NSMCE2: variants seen among roughly 807,000 people sequenced by gnomAD.
The protein encoded by NSMCE2 is NSE2 SUMO ligase component of SMC5/6 complex.
A neutral mutation model predicts 23.8 loss-of-function variants in NSMCE2; 24 were observed. The observed-to-expected ratio is 1.01, with a 90% confidence interval of 0.73 to 1.42. NSMCE2 has a LOEUF of 1.42. NSMCE2 is among the 40% of genes most tolerant of loss of function. NSMCE2 has a pLI of 0.00. For synonymous variants in NSMCE2, 92 were observed against 94.1 expected, an observed-to-expected ratio of 0.98 and a Z score of 0.13; for missense variants, 284 against 296.5, an observed-to-expected ratio of 0.96 and a Z score of 0.31.
intron 5 of NSMCE2, among the ~76,000 whole-genome samples, chr8:125,245,511 A>G (rs774561674): frequency 1.3e-5 from 2 of 152,160 alleles, no homozygotes; most frequent in Non-Finnish European, 2.9e-5. Flanking sequence ...TGTAGGTGGG[A>G]AGAGGGTTTA....
intron 5 of NSMCE2, among the ~76,000 whole-genome samples, chr8:125,240,331 G>A (rs1420678891): frequency 1.3e-5 from 2 of 152,200 alleles, no homozygotes; most frequent in South Asian, 2.1e-4. Context: ...CACCATATTG[G>A]CCAGGCTGGT....
At chr8:125,103,500 G>A (rs562899507) in intron 3 of NSMCE2, among the ~76,000 whole-genome samples, 3 of 152,186 alleles carry the variant, frequency 2.0e-5, no homozygotes, top group African/African-American at 7.2e-5. Flanking sequence ...TTATGGATCT[G>A]TCAGCTTATA....
At chr8:125,333,783 G>C (rs1439537919) in intron 5 of NSMCE2, among the ~76,000 whole-genome samples, 2 of 152,074 alleles carry the variant, frequency 1.3e-5, no homozygotes, top group Non-Finnish European at 2.9e-5. Flanking sequence ...AAAGTGCTGG[G>C]ATTACAGGCG....
At chr8:125,180,501 C>G (rs1191569780) in intron 4 of NSMCE2, among the ~76,000 whole-genome samples, 1 of 152,190 alleles carries the variant, frequency 6.6e-6, no homozygotes, top group Non-Finnish European at 1.5e-5. Context: ...TGTCTTTTCT[C>G]TGTGACAAAA....
At chr8:125,264,302 C>G (rs893919826) in intron 5 of NSMCE2, among the ~76,000 whole-genome samples, 2 of 152,212 alleles carry the variant, frequency 1.3e-5, no homozygotes, top group African/African-American at 4.8e-5. Flanking sequence ...AAGGTTATAA[C>G]CCTCAACAGG....
chr8:125,320,182 A>G (rs1425167396), intron 5 of NSMCE2, among the ~76,000 whole-genome samples: 2 of 144,194 alleles, frequency 1.4e-5, no homozygotes, highest in Non-Finnish European at 3.0e-5. Context: ...TCTCAAAAAA[A>G]AAAGAGAGAG....
chr8:125,162,740 A>C (rs1280856866), intron 4 of NSMCE2, among the ~76,000 whole-genome samples: 1 of 152,206 alleles, frequency 6.6e-6, no homozygotes, highest in Non-Finnish European at 1.5e-5. Flanking sequence ...CACCTACCAC[A>C]GGCTGATTTA....
intron 5 of NSMCE2, among the ~76,000 whole-genome samples, chr8:125,205,531 A>G (rs1333754621): frequency 6.6e-6 from 1 of 152,218 alleles, no homozygotes; most frequent in African/African-American, 2.4e-5. Flanking sequence ...GAAACACATT[A>G]ACCTTCTCTC....
chr8:125,265,779 A>C (rs986927794), intron 5 of NSMCE2, among the ~76,000 whole-genome samples: 6 of 152,092 alleles, frequency 3.9e-5, no homozygotes, highest in African/African-American at 1.2e-4. Flanking sequence ...TAAAATGCCT[A>C]GTTTTCTTTG....
At chr8:125,206,257 T>C (rs886660609) in intron 5 of NSMCE2, among the ~76,000 whole-genome samples, 2 of 152,166 alleles carry the variant, frequency 1.3e-5, no homozygotes, top group African/African-American at 4.8e-5. Context: ...CATATGTATA[T>C]GGGAGAAAAG....
intron 5 of NSMCE2, among the ~76,000 whole-genome samples, chr8:125,196,364 C>T (rs1823619403): frequency 6.6e-6 from 1 of 152,092 alleles, no homozygotes; most frequent in South Asian, 2.1e-4. Flanking sequence ...CACCCCTACT[C>T]CCTGACAAGC....
intron 3 of NSMCE2, among the ~76,000 whole-genome samples, chr8:125,107,207 G>A (rs1388426665): frequency 3.4e-5 from 1 of 29,066 alleles, no homozygotes; most frequent in East Asian, 9.4e-4. Context: ...TTTTTTTTTT[G>A]AGATGGAGTC....
At chr8:125,206,876 GAAGA>G (rs1824138874) in intron 5 of NSMCE2, among the ~76,000 whole-genome samples, 1 of 149,560 alleles carries the variant, frequency 6.7e-6, no homozygotes, top group Non-Finnish European at 1.5e-5. Flanking sequence ...GGAGTGAAGG[GAAGA>G]GAGAGCCTAG....
chr8:125,355,495 T>G (rs2131363035), intron 5 of NSMCE2, among the ~76,000 whole-genome samples: 1 of 151,736 alleles, frequency 6.6e-6, no homozygotes, highest in South Asian at 2.1e-4. Flanking sequence ...AGGTCAGGAG[T>G]TCAAGACCAG....
At chr8:125,129,951 C>T (rs1215039802) in intron 3 of NSMCE2, among the ~76,000 whole-genome samples, 1 of 152,168 alleles carries the variant, frequency 6.6e-6, no homozygotes, top group Non-Finnish European at 1.5e-5. Flanking sequence ...AACTCTGGTA[C>T]ATTCCTGTTG....
chr8:125,139,791 C>A (rs1343350493), intron 3 of NSMCE2, among the ~76,000 whole-genome samples: 1 of 152,114 alleles, frequency 6.6e-6, no homozygotes, highest in Non-Finnish European at 1.5e-5. Flanking sequence ...TATTTGTTTG[C>A]CCTTATGTTG....
At chr8:125,225,791 C>T (rs560896022) in intron 5 of NSMCE2, among the ~76,000 whole-genome samples, 10 of 152,326 alleles carry the variant, frequency 6.6e-5, no homozygotes, top group African/African-American at 2.2e-4. Flanking sequence ...TCACTTCAAG[C>T]ATCATTGCTT....
chr8:125,144,120 G>C (rs1820533174), intron 3 of NSMCE2, among the ~76,000 whole-genome samples: 1 of 152,104 alleles, frequency 6.6e-6, no homozygotes, highest in African/African-American at 2.4e-5. Flanking sequence ...GGTTGTTGAG[G>C]GATCTTATTT....
chr8:125,275,091 C>T (rs1003830848), intron 5 of NSMCE2, among the ~76,000 whole-genome samples: 51 of 151,434 alleles, frequency 3.4e-4, no homozygotes, highest in African/African-American at 1.2e-3. Flanking sequence ...CCCCATCTTC[C>T]CTATCCCTGC....
Sources: gnomAD v4.1 joint callset for allele counts (sites outside exome capture counted in the v4.1 genomes callset) on GRCh38, gnomAD v4.1.1 for gene constraint, MANE v1.5 for transcripts, NCBI Gene and HGNC (gene_info 2026-07-23, HGNC 2026-07-21) for gene names.